The following SLC9A7 variants were observed in gnomAD, a reference collection of about 807,000 sequenced individuals.
The protein encoded by SLC9A7 is solute carrier family 9 member A7.
SLC9A7 carries 19 observed loss-of-function variants against 52.6 expected under a neutral mutation model. The ratio of observed to expected loss-of-function variants is 0.36; its 90% CI spans 0.25 to 0.53. The LOEUF is 0.53. SLC9A7 is among the 20% of genes least tolerant of loss of function. The pLI, the probability that SLC9A7 is intolerant of heterozygous loss-of-function variation, is 0.91. For synonymous variants in SLC9A7, 226 were observed against 252.1 expected, an observed-to-expected ratio of 0.90 and a Z score of 0.98; for missense variants, 455 against 597.9, an observed-to-expected ratio of 0.76 and a Z score of 2.49.
intron 7 of SLC9A7, among the ~76,000 whole-genome samples, chrX:46,658,856 C>T (rs1370738471): frequency 4.5e-5 from 5 of 110,060 alleles, no homozygotes; most frequent in African/African-American, 1.7e-4. Flanking sequence ...AGAGGGAATC[C>T]TCCCTAACTC....
At chrX:46,648,503 G>A (rs1943528928) in intron 11 of SLC9A7, among the ~76,000 whole-genome samples, 183 bp downstream of exon 11, 2 of 111,725 alleles carry the variant, frequency 1.8e-5, no homozygotes, top group Admixed American at 9.5e-5. Flanking sequence ...TTGGTAGTAC[G>A]GTTTGCAAAA....
chrX:46,679,437 T>C (rs768429117), intron 3 of SLC9A7, among the ~76,000 whole-genome samples: 3 of 112,608 alleles, frequency 2.7e-5, no homozygotes, highest in Admixed American at 9.4e-5. Context: ...TTAGTTTTAT[T>C]AGAAACTGCC....
intron 1 of SLC9A7, among the ~76,000 whole-genome samples, chrX:46,756,697 T>C (rs370461721): frequency 1.8e-5 from 2 of 112,424 alleles, no homozygotes; most frequent in African/African-American, 6.5e-5. Flanking sequence ...TAAATTTCTT[T>C]ATACATTTAA....
At chrX:46,643,438 G>A (rs1277323692) in intron 11 of SLC9A7, 49 bp from the exon 12 acceptor site, 1 of 1,122,755 alleles carries the variant, frequency 8.9e-7, no homozygotes, top group East Asian at 3.0e-5. Flanking sequence ...AAATGACAAT[G>A]TTGTCTCAAA....
chrX:46,629,523 G>A (rs1943188855), intron 14 of SLC9A7, among the ~76,000 whole-genome samples: 1 of 112,019 alleles, frequency 8.9e-6, no homozygotes, highest in Non-Finnish European at 1.9e-5. Context: ...TCTACTACAT[G>A]ACCAGCCAAA....
chrX:46,744,424 C>T (rs1921586609), intron 1 of SLC9A7, among the ~76,000 whole-genome samples: 1 of 112,518 alleles, frequency 8.9e-6, no homozygotes, highest in African/African-American at 3.2e-5. Flanking sequence ...TCATTCTACA[C>T]TCAACAAAAG....
chrX:46,612,874 G>A (rs1051599316), intron 16 of SLC9A7, among the ~76,000 whole-genome samples: 42 of 89,274 alleles, frequency 4.7e-4, no homozygotes, highest in Non-Finnish European at 5.2e-4. Context: ...GCAGTGAGCC[G>A]AGATTGTACC....
intron 7 of SLC9A7, among the ~76,000 whole-genome samples, chrX:46,659,180 T>C (rs1390781243): frequency 8.9e-6 from 1 of 111,967 alleles, no homozygotes; most frequent in Non-Finnish European, 1.9e-5. Flanking sequence ...ACAACCTTCA[T>C]GCTAAAAACT....
At chrX:46,648,100 G>A (rs909407692) in intron 11 of SLC9A7, among the ~76,000 whole-genome samples, 1 of 112,260 alleles carries the variant, frequency 8.9e-6, no homozygotes, top group Non-Finnish European at 1.9e-5. Context: ...CAGCTTTACA[G>A]GGAAAAGGGG....
chrX:46,717,958 T>C (rs1944796942), intron 1 of SLC9A7, among the ~76,000 whole-genome samples: 1 of 111,664 alleles, frequency 9.0e-6, no homozygotes, highest in Admixed American at 9.5e-5. Flanking sequence ...TTAAAGTTCA[T>C]ATGAAACCAA....
At chrX:46,721,081 G>A (rs1405359549) in intron 1 of SLC9A7, among the ~76,000 whole-genome samples, 18 of 111,739 alleles carry the variant, frequency 1.6e-4, no homozygotes, top group Non-Finnish European at 1.9e-4. Flanking sequence ...CATTAATAAT[G>A]ATTTAAAACA....
At chrX:46,711,131 A>G (rs1395660200) in intron 1 of SLC9A7, among the ~76,000 whole-genome samples, 2 of 112,860 alleles carry the variant, frequency 1.8e-5, no homozygotes, top group East Asian at 5.6e-4. Context: ...GCAGCCTGCC[A>G]GCAACACCTG....
At chrX:46,712,588 C>G (rs1379808468) in intron 1 of SLC9A7, among the ~76,000 whole-genome samples, 2 of 111,763 alleles carry the variant, frequency 1.8e-5, no homozygotes, top group African/African-American at 6.5e-5. Flanking sequence ...ATATCCAAAC[C>G]ATATCAGTTA....
chrX:46,661,938 C>G (rs1286604344), intron 7 of SLC9A7, 78 bp downstream of exon 7: 10 of 922,136 alleles, frequency 1.1e-5, no homozygotes, highest in Admixed American at 8.0e-5. Context: ...TTTGAAAGAA[C>G]AGCTGAGAAC....
intron 1 of SLC9A7, among the ~76,000 whole-genome samples, chrX:46,746,473 A>G (rs1307606385): frequency 8.9e-6 from 1 of 112,525 alleles, no homozygotes; most frequent in African/African-American, 3.2e-5. Context: ...ATTAAAAATG[A>G]GCAAAAGATT....
At chrX:46,700,023 T>C (rs1944506075) in intron 1 of SLC9A7, among the ~76,000 whole-genome samples, 1 of 109,409 alleles carries the variant, frequency 9.1e-6, no homozygotes, top group African/African-American at 3.3e-5. Flanking sequence ...GAGGATCACT[T>C]GAACCCAGGA....
At chrX:46,747,220 TG>T (rs1012937049) in intron 1 of SLC9A7, among the ~76,000 whole-genome samples, 1 of 111,995 alleles carries the variant, frequency 8.9e-6, no homozygotes, top group African/African-American at 3.2e-5. Flanking sequence ...GCCTAGTGTT[TG>T]GTAGATCAGT....
intron 1 of SLC9A7, among the ~76,000 whole-genome samples, chrX:46,758,169 T>G (rs1327626723): frequency 2.7e-5 from 3 of 111,467 alleles, no homozygotes; most frequent in Admixed American, 1.9e-4. Flanking sequence ...ATGCTCTGAC[T>G]TTATCATTAA....
chrX:46,671,401 C>T (rs1390602252), intron 4 of SLC9A7, among the ~76,000 whole-genome samples: 1 of 109,603 alleles, frequency 9.1e-6, no homozygotes, highest in Non-Finnish European at 1.9e-5. Context: ...GCTGGGACTA[C>T]AGGCGCCCGC....
Sources: gnomAD v4.1 joint callset for allele counts (sites outside exome capture counted in the v4.1 genomes callset) on GRCh38, gnomAD v4.1.1 for gene constraint, MANE v1.5 for transcripts, NCBI Gene and HGNC (gene_info 2026-07-23, HGNC 2026-07-21) for gene names.